Variants in GALNT13 observed in about 807,000 individuals in gnomAD.
GALNT13 encodes polypeptide N-acetylgalactosaminyltransferase 13, also known as UDP-GalNAc:polypeptide N-acetylgalactosaminyltransferase 13.
Under a neutral mutation model 64.2 loss-of-function variants are expected in GALNT13, and 28 were observed. The observed-to-expected ratio is 0.44, with a 90% CI of 0.32 to 0.60. GALNT13 has a LOEUF of 0.60. GALNT13 is among the 20% of genes least tolerant of loss of function. The pLI is 0.05. For missense variants in GALNT13, 577 were observed against 669.8 expected, an observed-to-expected ratio of 0.86 and a Z score of 1.53; for synonymous variants, 214 against 224.6, an observed-to-expected ratio of 0.95 and a Z score of 0.42.
the GALNT13 span, among the ~76,000 whole-genome samples, chr2:153,597,302 C>G: frequency 6.6e-6 from 1 of 152,128 alleles, no homozygotes. Flanking sequence ...ACAGATCACA[C>G]AAGCATGAAG....
At chr2:153,678,716 G>A in the GALNT13 span, among the ~76,000 whole-genome samples, 3 of 152,016 alleles carry the variant, frequency 2.0e-5, no homozygotes, top group African/African-American at 4.8e-5. Flanking sequence ...ATGGACTTGC[G>A]TTGTGTCAAG....
At chr2:153,619,263 G>C in the GALNT13 span, among the ~76,000 whole-genome samples, 1 of 151,946 alleles carries the variant, frequency 6.6e-6, no homozygotes, top group Non-Finnish European at 1.5e-5. Flanking sequence ...ACCAGATAAT[G>C]ACCTAACACT....
chr2:153,436,719 T>C, the GALNT13 span, among the ~76,000 whole-genome samples: 3 of 151,970 alleles, frequency 2.0e-5, no homozygotes, highest in Non-Finnish European at 2.9e-5. Flanking sequence ...TCTTCTCTCT[T>C]TTCTTTATTA....
the GALNT13 span, among the ~76,000 whole-genome samples, chr2:153,209,982 T>C: frequency 6.6e-6 from 1 of 152,114 alleles, no homozygotes; most frequent in African/African-American, 2.4e-5. Context: ...TAGTATATAA[T>C]TATATTTGAA....
At chr2:153,540,367 C>T in the GALNT13 span, among the ~76,000 whole-genome samples, 4 of 152,234 alleles carry the variant, frequency 2.6e-5, no homozygotes, top group Non-Finnish European at 4.4e-5. Context: ...ATGGAAACAT[C>T]TGGATGTCCA....
the GALNT13 span, among the ~76,000 whole-genome samples, chr2:153,264,927 AT>A: frequency 6.6e-6 from 1 of 152,250 alleles, no homozygotes; most frequent in African/African-American, 2.4e-5. Context: ...CATTCTGCAC[AT>A]ATACCCCAGA....
At chr2:154,353,015 C>T (rs917451746) in intron 9 of GALNT13, among the ~76,000 whole-genome samples, 4 of 152,126 alleles carry the variant, frequency 2.6e-5, no homozygotes, top group East Asian at 1.9e-4. Context: ...TCTAGTGACT[C>T]GGTAGTTCTT....
chr2:153,616,898 T>G, the GALNT13 span, among the ~76,000 whole-genome samples: 15,659 of 152,012 alleles, frequency 0.1, 909 homozygotes, highest in Non-Finnish European at 0.12. Flanking sequence ...TTCTTTCCTA[T>G]TTGGATGCCC....
chr2:153,636,437 T>C, the GALNT13 span, among the ~76,000 whole-genome samples: 1 of 152,154 alleles, frequency 6.6e-6, no homozygotes, highest in Non-Finnish European at 1.5e-5. Flanking sequence ...GTAAAAAGGC[T>C]TCTCGTAGTT....
chr2:154,353,139 C>A (rs74864575), intron 9 of GALNT13, among the ~76,000 whole-genome samples: 4,303 of 152,114 alleles, frequency 0.028, 221 homozygotes, highest in African/African-American at 0.098. Flanking sequence ...CCTCTTTGAG[C>A]CTCAGTTTAT....
chr2:153,804,313 A>C, the GALNT13 span, among the ~76,000 whole-genome samples: 1 of 152,114 alleles, frequency 6.6e-6, no homozygotes, highest in Non-Finnish European at 1.5e-5. Flanking sequence ...GACCACAGGC[A>C]TGTGCCATCA....
In GALNT13 at chr2:153,997,323, G is replaced by C. The variant is rs75716391; in HGVS notation, c.142+52684G>C. ...ATAAATATGTAATATCTTTTTATTT[G>C]TGTCTGCTTCATTTTTTCATTAGCA... is the stretch of plus-strand genomic sequence containing the variant. On this transcript the variant is annotated intron_variant, in intron 3 of 12. Coordinates refer to ENST00000392825, the MANE Select transcript of GALNT13 (RefSeq NM_052917.4). Among the ~76,000 whole-genome samples, 815 of 151,920 alleles carry C rather than the reference G, an allele frequency of 5.4e-3. 5 individuals carry two copies. The highest frequency in any genetic ancestry group is 0.019 in the African/African-American group (769 of 41,462).
At chr2:153,897,838 A>C (rs974041334) in intron 1 of GALNT13, among the ~76,000 whole-genome samples, 1 of 152,094 alleles carries the variant, frequency 6.6e-6, no homozygotes, top group Non-Finnish European at 1.5e-5. Flanking sequence ...CAGTTGTCCC[A>C]GATTAAACCA....
chr2:153,176,770 TAAAAA>T, the GALNT13 span, among the ~76,000 whole-genome samples: 1 of 139,682 alleles, frequency 7.2e-6, no homozygotes. Context: ...TGCCTGAGTT[TAAAAA>T]AAAAAAAAAA....
intron 3 of GALNT13, among the ~76,000 whole-genome samples, chr2:154,136,192 A>G (rs1487090161): frequency 6.6e-6 from 1 of 152,246 alleles, no homozygotes; most frequent in Non-Finnish European, 1.5e-5. Context: ...AAAGGAAAAT[A>G]TACAGAAAGT....
chr2:153,733,163 C>T, the GALNT13 span, among the ~76,000 whole-genome samples: 2 of 152,076 alleles, frequency 1.3e-5, no homozygotes, highest in South Asian at 4.1e-4. Context: ...AAAATAAACC[C>T]TTGTTTGTTT....
chr2:153,318,839 A>T, the GALNT13 span, among the ~76,000 whole-genome samples: 1 of 151,840 alleles, frequency 6.6e-6, no homozygotes, highest in African/African-American at 2.4e-5. Flanking sequence ...AAAATGGGGG[A>T]AAGTTAGCAT....
chr2:153,285,435 C>G, the GALNT13 span, among the ~76,000 whole-genome samples: 1 of 152,076 alleles, frequency 6.6e-6, no homozygotes, highest in Non-Finnish European at 1.5e-5. Context: ...TTTTCTCACA[C>G]TAGGGAAAAT....
the GALNT13 span, among the ~76,000 whole-genome samples, chr2:153,702,010 A>G: frequency 1.3e-5 from 2 of 152,134 alleles, no homozygotes; most frequent in Admixed American, 1.3e-4. Flanking sequence ...AAATTATTCT[A>G]CTCTAAAGAC....
Sources: allele counts gnomAD v4.1 joint callset (sites outside exome capture counted in the v4.1 genomes callset), GRCh38; gene constraint gnomAD v4.1.1; transcripts MANE v1.5; gene names NCBI Gene and HGNC (gene_info 2026-07-23, HGNC 2026-07-21).